Variants in NUDCD1 observed in about 807,000 individuals in gnomAD.
The protein encoded by NUDCD1 is nudC domain-containing protein 1.
In NUDCD1, 60 loss-of-function variants were observed where a neutral mutation model predicts 67.8. That is an observed-to-expected ratio of 0.88 (90% CI 0.72 to 1.10). The LOEUF (loss-of-function observed/expected upper bound fraction) is 1.10, where lower values mean the gene tolerates loss of function less well. NUDCD1 is among the 50% of genes least tolerant of loss of function. The pLI is 0.00. For synonymous variants in NUDCD1, 244 were observed against 230.8 expected, an observed-to-expected ratio of 1.06 and a Z score of -0.52; for missense variants, 643 against 695.0, an observed-to-expected ratio of 0.93 and a Z score of 0.84.
chr8:109,271,254 T>A, intron 7 of NUDCD1, 124 bp from the exon 8 acceptor site: 1 of 571,344 alleles, frequency 1.8e-6, no homozygotes, highest in Non-Finnish European at 3.0e-6. Flanking sequence ...CTATGACCAA[T>A]AAAATCATAA....
chr8:109,311,099 C>G (rs1050042352), intron 2 of NUDCD1, among the ~76,000 whole-genome samples: 2 of 152,064 alleles, frequency 1.3e-5, no homozygotes, highest in African/African-American at 2.4e-5. Flanking sequence ...CAGGCATAAG[C>G]CACCACACCT....
intron 3 of NUDCD1, among the ~76,000 whole-genome samples, chr8:109,293,877 C>T (rs1043520034): frequency 2.6e-5 from 4 of 151,802 alleles, no homozygotes; most frequent in Admixed American, 6.6e-5. Context: ...AGGCAAGAGT[C>T]AAAAACATTG....
chr8:109,277,940 A>G (rs2129974370), intron 6 of NUDCD1, among the ~76,000 whole-genome samples: 1 of 152,350 alleles, frequency 6.6e-6, no homozygotes, highest in South Asian at 2.1e-4. Context: ...AAAATCACCA[A>G]ATGTCTTCAT....
chr8:109,253,278 A>C (rs925400955), intron 8 of NUDCD1, among the ~76,000 whole-genome samples: 34 of 152,224 alleles, frequency 2.2e-4, no homozygotes, highest in Admixed American at 1.9e-3. Context: ...GAGTACAGTA[A>C]GCAGAAACCA....
intron 2 of NUDCD1, among the ~76,000 whole-genome samples, chr8:109,314,105 T>C (rs997590176): frequency 2.6e-5 from 4 of 152,182 alleles, no homozygotes; most frequent in East Asian, 1.9e-4. Context: ...CTGAATAACC[T>C]CTATTGACAA....
Position 109,243,042 on chromosome 8 carries a change from G to A in NUDCD1, c.1719C>T (p.Asn573=), listed in dbSNP as rs777342286. ...CTGTATTTACTTTTATTAAAAAGAG[G>A]TTTTTGGTAGTAAGAACAAATAATC... ...NERLFVLTTK[N]LFLIKVNTEN is the part of the protein sequence containing the mutation. Residue 573 remains asparagine (N), a synonymous_variant, in exon 10 of 10, where the codon AAC becomes AAT. Coordinates refer to ENST00000239690, the MANE Select transcript of NUDCD1 (RefSeq NM_032869.4). The A allele has an allele frequency of 1.9e-6, 3 of 1,597,100 alleles. No homozygotes were observed. In the East Asian group the frequency reaches 6.7e-5, roughly 36 times the overall value.
intron 2 of NUDCD1, among the ~76,000 whole-genome samples, chr8:109,307,108 C>A (rs1815125245): frequency 6.6e-6 from 1 of 152,158 alleles, no homozygotes; most frequent in African/African-American, 2.4e-5. Flanking sequence ...TGGCCTGAAA[C>A]AACTGAAGAT....
chr8:109,296,435 C>T lies in NUDCD1; in HGVS notation c.408G>A (p.Leu136=), dbSNP rs750032306. ...CACGTTCACCTGTTCCAATGACATA[C>T]AATCTTCCAGTTCCATCTGACAAGG... The part of the protein sequence containing the change: ...WVTLSDGTGR[L]YVIGTGERGN... The change falls in exon 3 of 10, where the codon TTG becomes TTA. Residue 136 remains leucine (L), a synonymous_variant. Transcript: ENST00000239690. 6.2e-6 allele frequency: 10 copies of T among 1,613,564 alleles called. No homozygotes were observed. The highest frequency in any genetic ancestry group is 5.9e-6 in the Non-Finnish European group (7 of 1,179,720).
chr8:109,311,753 G>A (rs1385645677), intron 2 of NUDCD1, among the ~76,000 whole-genome samples: 1 of 151,668 alleles, frequency 6.6e-6, no homozygotes, highest in Non-Finnish European at 1.5e-5. Flanking sequence ...TGACACAATG[G>A]ACTTTGAGGA....
At chr8:109,249,999 C>T (rs151245041) in intron 8 of NUDCD1, among the ~76,000 whole-genome samples, 1 of 151,894 alleles carries the variant, frequency 6.6e-6, no homozygotes, top group Non-Finnish European at 1.5e-5. Context: ...GCACACACTG[C>T]CATGCCTGGG....
At chr8:109,300,593 T>C (rs1052775689) in intron 2 of NUDCD1, among the ~76,000 whole-genome samples, 1 of 152,120 alleles carries the variant, frequency 6.6e-6, no homozygotes, top group Non-Finnish European at 1.5e-5. Flanking sequence ...CCAAGAAGTC[T>C]GGGATTATGT....
At chr8:109,284,059 T>A (rs1222204814) in intron 5 of NUDCD1, among the ~76,000 whole-genome samples, 3 of 141,318 alleles carry the variant, frequency 2.1e-5, no homozygotes, top group African/African-American at 5.4e-5. Context: ...ATCTAACACA[T>A]AATGACACCC....
intron 8 of NUDCD1, among the ~76,000 whole-genome samples, chr8:109,268,333 G>T (rs1302077740): frequency 6.6e-6 from 1 of 152,068 alleles, no homozygotes; most frequent in African/African-American, 2.4e-5. Context: ...GCCCCTCTAG[G>T]GGCAGCCAGA....
intron 2 of NUDCD1, among the ~76,000 whole-genome samples, chr8:109,297,446 T>C (rs1053858331): frequency 7.2e-5 from 11 of 152,234 alleles, no homozygotes; most frequent in Non-Finnish European, 1.3e-4. Context: ...AGTTAGGGCT[T>C]CTGATCATTA....
At chr8:109,327,004 A>G (rs994143963) in intron 1 of NUDCD1, among the ~76,000 whole-genome samples, 3 of 152,216 alleles carry the variant, frequency 2.0e-5, no homozygotes, top group African/African-American at 7.2e-5. Context: ...ATGCAGTCTA[A>G]TATTTACATA....
At chr8:109,332,632 T>A (rs960360747) in intron 1 of NUDCD1, among the ~76,000 whole-genome samples, 22 of 152,080 alleles carry the variant, frequency 1.4e-4, no homozygotes, top group Non-Finnish European at 2.8e-4. Context: ...GAAGAACCAC[T>A]CAGCTGACCC....
chr8:109,256,689 C>T (rs997301310), intron 8 of NUDCD1, among the ~76,000 whole-genome samples: 2 of 151,962 alleles, frequency 1.3e-5, no homozygotes, highest in African/African-American at 2.4e-5. Context: ...CAGAAACCTG[C>T]TAGACATCAC....
intron 8 of NUDCD1, among the ~76,000 whole-genome samples, chr8:109,260,547 G>A (rs933403260): frequency 6.6e-6 from 1 of 152,122 alleles, no homozygotes; most frequent in Non-Finnish European, 1.5e-5. Flanking sequence ...TACAACAGGA[G>A]CAAACAGAAT....
chr8:109,270,080 G>GT (rs1814106127), intron 8 of NUDCD1, among the ~76,000 whole-genome samples: 1 of 20,056 alleles, frequency 5.0e-5, no homozygotes, highest in Non-Finnish European at 1.3e-4. Context: ...GGGGGGGGGG[G>GT]GGTGCCTTAA....
Sources: gnomAD v4.1 joint callset for allele counts (sites outside exome capture counted in the v4.1 genomes callset) on GRCh38, gnomAD v4.1.1 for gene constraint, MANE v1.5 for transcripts, NCBI Gene and HGNC (gene_info 2026-07-23, HGNC 2026-07-21) for gene names.